The following ARHGAP10 variants were observed in gnomAD, a reference collection of about 807,000 sequenced individuals.
The protein encoded by ARHGAP10 is rho GTPase-activating protein 10.
In ARHGAP10, 87 loss-of-function variants were observed where a neutral mutation model predicts 108.6. The ratio of observed to expected loss-of-function variants is 0.80; its 90% confidence interval spans 0.67 to 0.96. The LOEUF is 0.96. Ranked by LOEUF, ARHGAP10 falls within the 40% of genes least tolerant of loss-of-function variation. The pLI is 0.00. For missense variants in ARHGAP10, 939 were observed against 954.5 expected (o/e 0.98, Z 0.21); for synonymous variants, 347 against 341.1 (o/e 1.02, Z -0.19).
intron 1 of ARHGAP10, among the ~76,000 whole-genome samples, chr4:147,808,702 G>T (rs1165878962): frequency 2.6e-5 from 4 of 152,066 alleles, no homozygotes; most frequent in African/African-American, 9.7e-5. Flanking sequence ...GTCATAGAAT[G>T]ATTTCTTGCC....
intron 19 of ARHGAP10, among the ~76,000 whole-genome samples, chr4:148,025,846 C>A (rs1437381386): frequency 6.6e-6 from 1 of 151,604 alleles, no homozygotes; most frequent in East Asian, 1.9e-4. Flanking sequence ...AAGTGACTTC[C>A]CATGTTAATC....
chr4:148,030,643 TACTG>T (rs1322637785), intron 19 of ARHGAP10, among the ~76,000 whole-genome samples: 2 of 152,216 alleles, frequency 1.3e-5, no homozygotes, highest in Middle Eastern at 3.2e-3. Flanking sequence ...CATTTTTACT[TACTG>T]AATTCTTACC....
chr4:147,918,432 G>A (rs1017965848), intron 13 of ARHGAP10, among the ~76,000 whole-genome samples: 3 of 152,192 alleles, frequency 2.0e-5, no homozygotes, highest in African/African-American at 7.2e-5. Context: ...ACTGCACCCA[G>A]CCCTCATTAA....
intron 4 of ARHGAP10, among the ~76,000 whole-genome samples, chr4:147,850,068 A>G (rs950844921): frequency 7.9e-5 from 12 of 152,174 alleles, no homozygotes; most frequent in Non-Finnish European, 1.6e-4. Flanking sequence ...AGCACTCTGT[A>G]AAAACACACC....
chr4:147,779,467 G>T (rs1477672933), intron 1 of ARHGAP10, among the ~76,000 whole-genome samples: 1 of 151,864 alleles, frequency 6.6e-6, no homozygotes. Context: ...ATGGGGAAGG[G>T]TCCTGAGGGG....
At chr4:147,816,831 T>G (rs1296835765) in intron 1 of ARHGAP10, among the ~76,000 whole-genome samples, 1 of 152,188 alleles carries the variant, frequency 6.6e-6, no homozygotes, top group Non-Finnish European at 1.5e-5. Flanking sequence ...TTCATTTCAC[T>G]TCCAAGTTAC....
chr4:147,938,851 A>C (rs187813855), intron 13 of ARHGAP10, among the ~76,000 whole-genome samples: 1 of 152,360 alleles, frequency 6.6e-6, no homozygotes, highest in East Asian at 1.9e-4. Context: ...TCATTTGAGA[A>C]GTAAATATAA....
chr4:148,044,264 G>A (rs1728778939), intron 19 of ARHGAP10, among the ~76,000 whole-genome samples: 1 of 151,998 alleles, frequency 6.6e-6, no homozygotes, highest in African/African-American at 2.4e-5. Flanking sequence ...AACATTTCAG[G>A]CATCTTTCAA....
intron 19 of ARHGAP10, among the ~76,000 whole-genome samples, chr4:148,035,515 A>G (rs945906420): frequency 1.1e-4 from 17 of 152,192 alleles, no homozygotes; most frequent in African/African-American, 3.4e-4. Flanking sequence ...TTATCTAGCA[A>G]CTGACTGTCA....
At chr4:147,734,210 G>GGC (rs1260207356) in intron 1 of ARHGAP10, among the ~76,000 whole-genome samples, 2 of 152,036 alleles carry the variant, frequency 1.3e-5, no homozygotes, top group Non-Finnish European at 2.9e-5. Flanking sequence ...AGAGGCAGAG[G>GGC]GCAAAGCCAG....
intron 1 of ARHGAP10, among the ~76,000 whole-genome samples, chr4:147,755,395 A>G (rs1697960565): frequency 6.6e-6 from 1 of 152,048 alleles, no homozygotes. Flanking sequence ...GTTTGTAAAC[A>G]GGAAGGGACC....
chr4:148,030,233 T>A lies in ARHGAP10; in HGVS notation c.1867+6820T>A, dbSNP rs185362625. On this transcript the variant is annotated intron_variant, in intron 19 of 22. Transcript: ENST00000336498. ...GAAGAGAGAAAAATTCTTTAAAGCTTCTCTCCCTGTGGAGTGGGTTTTTTC... is the reference window on the plus strand; with the variant it reads ...GAAGAGAGAAAAATTCTTTAAAGCTACTCTCCCTGTGGAGTGGGTTTTTTC... Among the ~76,000 whole-genome samples, 13 of 152,338 alleles carry A rather than the reference T, an allele frequency of 8.5e-5. No individual in the cohort carries two copies. The East Asian group carries it at 2.3e-3, about 27-fold the overall frequency.
intron 18 of ARHGAP10, among the ~76,000 whole-genome samples, chr4:147,978,885 C>G (rs1008123468): frequency 1.3e-5 from 2 of 152,108 alleles, no homozygotes. Flanking sequence ...CTGTTCATGT[C>G]TCTTGCCCAC....
intron 19 of ARHGAP10, among the ~76,000 whole-genome samples, chr4:148,037,081 A>G (rs1728409860): frequency 6.6e-5 from 10 of 152,210 alleles, no homozygotes; most frequent in Admixed American, 6.5e-4. Context: ...TCTTATGGTA[A>G]CTTTGGGGAT....
chr4:147,978,208 C>G (rs980968936), intron 18 of ARHGAP10, among the ~76,000 whole-genome samples: 1 of 152,062 alleles, frequency 6.6e-6, no homozygotes, highest in Non-Finnish European at 1.5e-5. Flanking sequence ...ATTGCTGGGT[C>G]GAATGGTAGT....
At chr4:147,862,368 A>G (rs1734357334) in intron 5 of ARHGAP10, 1 of 152,402 alleles carries the variant, frequency 6.6e-6, no homozygotes, top group South Asian at 2.1e-4. Flanking sequence ...GCCGGCCCCC[A>G]AGAGCACAGG....
chr4:148,018,461 T>G lies in ARHGAP10; in HGVS notation c.1717-4802T>G, dbSNP rs192375138. 1.1e-4 allele frequency among the ~76,000 whole-genome samples: 17 copies of G among 152,268 alleles called. No homozygotes were observed. The East Asian group carries it at 3.1e-3, about 28-fold the overall frequency. On this transcript the variant is annotated intron_variant, in intron 18 of 22. Coordinates refer to ENST00000336498, the MANE Select transcript of ARHGAP10 (RefSeq NM_024605.4). Reference sequence around the variant, plus strand: ...TGATAGCCAAAATCACAGGTCAGAATTTTAAAGTAAACAGTTTTACTATTT... The same window carrying G: ...TGATAGCCAAAATCACAGGTCAGAAGTTTAAAGTAAACAGTTTTACTATTT...
At chr4:147,733,588 G>GA (rs1560729838) in intron 1 of ARHGAP10, among the ~76,000 whole-genome samples, 1 of 152,146 alleles carries the variant, frequency 6.6e-6, no homozygotes, top group Non-Finnish European at 1.5e-5. Context: ...CACCTCTGGG[G>GA]AAAATCCCCC....
At position 148,023,741 on chromosome 4, in the gene ARHGAP10, T is replaced by C. The variant is rs1004026579; in HGVS notation, c.1867+328T>C. ...GGGGAACTAAAATTAAAGCAGATCT[T>C]TTATGAGAGGAGCGGATGGAGTCTC... On this transcript the variant is annotated intron_variant, in intron 19 of 22. Coordinates refer to ENST00000336498, the MANE Select transcript of ARHGAP10 (RefSeq NM_024605.4). 3.9e-5 allele frequency among the ~76,000 whole-genome samples: 6 copies of C among 152,360 alleles called. No homozygotes were observed. In the East Asian group the frequency reaches 9.6e-4, roughly 24 times the overall value.
Sources: gnomAD v4.1 joint callset for allele counts (sites outside exome capture counted in the v4.1 genomes callset) on GRCh38, gnomAD v4.1.1 for gene constraint, MANE v1.5 for transcripts, NCBI Gene and HGNC (gene_info 2026-07-23, HGNC 2026-07-21) for gene names.